The following SLC39A14 variants were observed in gnomAD, a reference collection of about 807,000 sequenced individuals.
SLC39A14 encodes the protein metal cation symporter ZIP14.
SLC39A14 carries 19 observed loss-of-function variants against 45.5 expected under a neutral mutation model. That is an observed-to-expected ratio of 0.42 (90% CI 0.29 to 0.61). SLC39A14 has a LOEUF of 0.61. SLC39A14 is among the 20% of genes least tolerant of loss of function. SLC39A14 has a pLI of 0.22. For missense variants in SLC39A14, 447 were observed against 616.5 expected, an observed-to-expected ratio of 0.73 and a Z score of 2.91; for synonymous variants, 264 against 251.3, an observed-to-expected ratio of 1.05 and a Z score of -0.48.
intron 1 of SLC39A14, among the ~76,000 whole-genome samples, chr8:22,370,120 C>A (rs73541995): frequency 0.015 from 2,359 of 152,204 alleles, 49 homozygotes; most frequent in African/African-American, 0.053. Flanking sequence ...AGTAACAATG[C>A]CTGTGTGTGC....
At chr8:22,391,125 G>A (rs1257203480) in intron 1 of SLC39A14, among the ~76,000 whole-genome samples, 2 of 152,254 alleles carry the variant, frequency 1.3e-5, no homozygotes, top group African/African-American at 2.4e-5. Flanking sequence ...TCAGCTCTTC[G>A]AAGGAGCCTC....
At chr8:22,402,966 GTGTTTGTTTGTT>G (rs10676463) in intron 1 of SLC39A14, among the ~76,000 whole-genome samples, 4 of 150,216 alleles carry the variant, frequency 2.7e-5, no homozygotes, top group Admixed American at 6.6e-5. Context: ...TTTAGTTATG[GTGTTTGTTTGTT>G]TGTTTGTTTG....
chr8:22,414,972 TGTG>T (rs1320419384), intron 5 of SLC39A14, 70 bp downstream of exon 5: 18 of 1,553,718 alleles, frequency 1.2e-5, no homozygotes, highest in Admixed American at 7.8e-5. Flanking sequence ...GTTGATGTAT[TGTG>T]GTGGTGGTGG....
intron 1 of SLC39A14, among the ~76,000 whole-genome samples, chr8:22,387,163 A>G (rs1466038530): frequency 7.1e-6 from 1 of 140,640 alleles, no homozygotes; most frequent in East Asian, 2.3e-4. Flanking sequence ...ACAGAGTGAG[A>G]CCCTGTCTTA....
At position 22,420,976 on chromosome 8, in the gene SLC39A14, T is replaced by C; in HGVS notation, c.*1278T>C. The C allele has an allele frequency of 1.0e-6, 1 of 985,890 alleles. No individual in the cohort carries two copies. Among genetic ancestry groups the C allele is most frequent in the Non-Finnish European group, 1.2e-6 (1 of 829,926 alleles). 61.1% of individuals were successfully genotyped at this position (985,890 alleles called of 1,614,324 possible). A position where few individuals can be genotyped will look rare whatever the true frequency, so the allele number is the denominator to read the frequency against. ...CCAGAAAATGGATGGAGATAACTTGTCTTTAAAACTGTAGGCCAGCCTTAG... is the reference window on the plus strand; with the variant it reads ...CCAGAAAATGGATGGAGATAACTTGCCTTTAAAACTGTAGGCCAGCCTTAG... On this transcript the variant is annotated 3_prime_UTR_variant, in exon 9 of 9. Transcript: ENST00000381237.
chr8:22,381,371 C>T (rs761455427), intron 1 of SLC39A14, among the ~76,000 whole-genome samples: 2 of 150,990 alleles, frequency 1.3e-5, no homozygotes, highest in Non-Finnish European at 3.0e-5. Flanking sequence ...CCCGGGTTCA[C>T]GCCATTCTCC....
intron 3 of SLC39A14, among the ~76,000 whole-genome samples, chr8:22,409,533 C>A (rs574815657): frequency 1.9e-4 from 29 of 152,270 alleles, no homozygotes; most frequent in Admixed American, 3.3e-4. Context: ...CAGGCACGCG[C>A]CACCACGCCC....
chr8:22,387,172 T>TAAA lies in SLC39A14; in HGVS notation c.-15-17512_-15-17510dup, dbSNP rs71544897. Among the ~76,000 whole-genome samples, 427 of 142,934 alleles carry TAAA rather than the reference T, an allele frequency of 3.0e-3. 2 individuals are homozygous for TAAA. The highest frequency in any genetic ancestry group is 4.6e-3 in the Non-Finnish European group (302 of 65,490). The allele number at this position is 142,934 out of a possible 152,430, so 93.8% of individuals were successfully genotyped here. A position where few individuals can be genotyped will look rare whatever the true frequency, so the allele number is the denominator to read the frequency against. On this transcript the variant is annotated intron_variant, in intron 1 of 8. Coordinates refer to ENST00000381237, the MANE Select transcript of SLC39A14 (RefSeq NM_001128431.4). Reference sequence around the variant, plus strand: ...TAGGTAACAGAGTGAGACCCTGTCTTAAAAAAAAAAAAAAGGCAGTAGTTA... The same window carrying TAAA: ...TAGGTAACAGAGTGAGACCCTGTCTTAAAAAAAAAAAAAAAAAGGCAGTAGTTA...
At chr8:22,372,956 G>A (rs527259708) in intron 1 of SLC39A14, among the ~76,000 whole-genome samples, 20 of 151,488 alleles carry the variant, frequency 1.3e-4, no homozygotes, top group African/African-American at 4.4e-4. Flanking sequence ...GCGATTACAC[G>A]TTAACATTAA....
intron 7 of SLC39A14, among the ~76,000 whole-genome samples, chr8:22,417,336 C>G (rs549800953): frequency 6.6e-6 from 1 of 152,184 alleles, no homozygotes; most frequent in African/African-American, 2.4e-5. Flanking sequence ...GCTGGGTATA[C>G]GGCCAGTTTG....
intron 7 of SLC39A14, among the ~76,000 whole-genome samples, chr8:22,416,739 C>T (rs1835909139): frequency 1.3e-5 from 2 of 152,080 alleles, no homozygotes; most frequent in African/African-American, 4.8e-5. Context: ...GTGGCCTAAC[C>T]ACCATTTCTT....
chr8:22,430,111 C>G (rs570760392), intron 8 of SLC39A14, among the ~76,000 whole-genome samples: 1 of 152,300 alleles, frequency 6.6e-6, no homozygotes, highest in South Asian at 2.1e-4. Flanking sequence ...AGGAGTCAGA[C>G]CACTTCGGGA....
rs757843239 is a variant in SLC39A14, at chr8:22,415,754, C to A, written c.751-15C>A. The A allele has an allele frequency of 6.2e-7, 1 of 1,605,744 alleles. No homozygotes were observed. The highest frequency in any genetic ancestry group is 2.2e-5 in the East Asian group (1 of 44,842). On this transcript the variant is annotated splice_polypyrimidine_tract_variant and intron_variant, in intron 5 of 8. Coordinates refer to ENST00000381237, the MANE Select transcript of SLC39A14 (RefSeq NM_001128431.4). The stretch of plus-strand genomic sequence containing the variant: ...TGGTGAATGTCATGCTGATCCCTCC[C>A]TGTCACCCTTCCAGCATCATCATGG...
At chr8:22,411,785 T>G in intron 3 of SLC39A14, 1 of 442,974 alleles carries the variant, frequency 2.3e-6, no homozygotes, top group Non-Finnish European at 4.1e-6. Context: ...CACCTTGAAT[T>G]CCTCTTTCTT....
intron 1 of SLC39A14, among the ~76,000 whole-genome samples, chr8:22,385,602 G>A (rs1389718399): frequency 6.6e-6 from 1 of 152,206 alleles, no homozygotes; most frequent in Non-Finnish European, 1.5e-5. Context: ...GGGCCTGGGT[G>A]GCTGGAGCCC....
chr8:22,421,509 C>G lies in SLC39A14; in HGVS notation c.*1811C>G. On this transcript the variant is annotated 3_prime_UTR_variant, in exon 9 of 9. Coordinates refer to ENST00000381237, the MANE Select transcript of SLC39A14 (RefSeq NM_001128431.4). ...CTGATTTCCTGGTGGGATTATGGTC[C>G]AGTTTTACCAAAGAACCAATTCCTT... 1.2e-5 allele frequency: 12 copies of G among 985,312 alleles called. No homozygotes were observed. The highest frequency in any genetic ancestry group is 1.4e-5 in the Non-Finnish European group (12 of 829,652). The allele number at this position is 985,312 out of a possible 1,614,324, so 61.0% of individuals were successfully genotyped here. A position where few individuals can be genotyped will look rare whatever the true frequency, so the allele number is the denominator to read the frequency against.
chr8:22,401,543 C>CTTTTTTTTTTTTTTTTTTTTTTT (rs71544899), intron 1 of SLC39A14, among the ~76,000 whole-genome samples: 2 of 84,054 alleles, frequency 2.4e-5, no homozygotes, highest in Non-Finnish European at 4.0e-5. Flanking sequence ...TCTTCTCTTT[C>CTTTTTTTTTTTTTTTTTTTTTTT]TTTTTTTTTT....
chr8:22,388,684 G>A (rs955002390), intron 1 of SLC39A14, among the ~76,000 whole-genome samples: 1 of 152,118 alleles, frequency 6.6e-6, no homozygotes, highest in African/African-American at 2.4e-5. Flanking sequence ...CTCTGGGTTC[G>A]TGGTGAGCCC....
rs144239537 is a variant in SLC39A14, at chr8:22,390,922, C to T, written c.-15-13774C>T. Among the ~76,000 whole-genome samples the T allele has an allele frequency of 4.5e-3, 691 of 152,194 alleles. 5 individuals are homozygous for T. The highest frequency in any genetic ancestry group is 0.016 in the African/African-American group (663 of 41,532). On this transcript the variant is annotated intron_variant, in intron 1 of 8. Transcript: ENST00000381237. ...CCGCGGGGAGAGCCTGGACACCTTC[C>T]GGAGGGTGGATCCTGGGACATGCAT...
Sources: allele counts gnomAD v4.1 joint callset (sites outside exome capture counted in the v4.1 genomes callset), GRCh38; gene constraint gnomAD v4.1.1; transcripts MANE v1.5; gene names NCBI Gene and HGNC (gene_info 2026-07-23, HGNC 2026-07-21).